The following TJP2 variants were observed in gnomAD, a reference collection of about 807,000 sequenced individuals.
TJP2 encodes tight junction protein 2.
Under a neutral mutation model 133.1 loss-of-function variants are expected in TJP2, and 91 were observed. That is an observed-to-expected ratio of 0.68 (90% CI 0.58 to 0.81). TJP2 has a LOEUF of 0.81. Among genes scored for constraint, TJP2 ranks in the 40% least tolerant of loss-of-function variants. TJP2 has a pLI of 0.00. For missense variants in TJP2, 1,541 were observed against 1,565.6 expected, an observed-to-expected ratio of 0.98 and a Z score of 0.26; for synonymous variants, 592 against 583.4, an observed-to-expected ratio of 1.01 and a Z score of -0.21.
rs746386691 is a variant in TJP2 at position 69,196,946 on chromosome 9, TACACAC to T, written c.61-15576_61-15571del. On this transcript the variant is annotated intron_variant, in intron 1 of 22. Coordinates refer to ENST00000377245, the MANE Select transcript of TJP2 (RefSeq NM_004817.4). ...ATATATATGTGTGTGTGTGTGTGTGTACACACACACACACACACACACACACACACA... is the reference window on the plus strand; with the variant it reads ...ATATATATGTGTGTGTGTGTGTGTGTACACACACACACACACACACACACA... Among the ~76,000 whole-genome samples the T allele has an allele frequency of 1.4e-3, 194 of 134,218 alleles. 1 individual carries two copies. Among genetic ancestry groups the T allele is most frequent in the African/African-American group, 4.6e-3 (170 of 36,702 alleles). The allele number at this position is 134,218 out of a possible 152,430, so 88.1% of individuals were successfully genotyped here.
intron 1 of TJP2, among the ~76,000 whole-genome samples, chr9:69,122,662 T>C (rs1822198308): frequency 6.6e-6 from 1 of 152,158 alleles, no homozygotes; most frequent in African/African-American, 2.4e-5. Flanking sequence ...TTCTTCGAGC[T>C]TGAGAAGGGC....
intron 2 of TJP2, among the ~76,000 whole-genome samples, chr9:69,152,781 G>GTGGGTTT (rs1186366536): frequency 7.3e-6 from 1 of 136,242 alleles, no homozygotes; most frequent in East Asian, 2.3e-4. Context: ...AGGGCTGGAT[G>GTGGGTTT]TGGGTTTTGT....
rs79283711 is a variant in TJP2 at position 69,247,210 on chromosome 9, A to C, written c.2667+420A>C. Among the ~76,000 whole-genome samples the C allele has an allele frequency of 3.2e-3, 489 of 152,324 alleles. 2 individuals are homozygous for C. The highest frequency in any genetic ancestry group is 0.011 in the African/African-American group (458 of 41,558). ...ATGGAGTTAGAATTACTTAGAAAAT[A>C]AGGTTGGTTGAGAATGTGCCATCGT... On this transcript the variant is annotated intron_variant, in intron 18 of 22. Transcript: ENST00000377245.
At chr9:69,229,097 AT>A (rs1268097555) in intron 9 of TJP2, 86 bp from the exon 10 acceptor site, 4 of 1,291,766 alleles carry the variant, frequency 3.1e-6, no homozygotes, top group Non-Finnish European at 4.5e-6. Context: ...ATAGACTTAC[AT>A]TTTTTGTGGA....
At chr9:69,128,653 G>C (rs2133224422) in intron 1 of TJP2, among the ~76,000 whole-genome samples, 1 of 151,908 alleles carries the variant, frequency 6.6e-6, no homozygotes, top group Admixed American at 6.6e-5. Flanking sequence ...CTCCCGAGTA[G>C]CTGGGACTAC....
rs370858382 is a variant in TJP2, at chr9:69,227,876, A to G, written c.1319+3A>G. The stretch of plus-strand genomic sequence containing the variant: ...GAGAAGCTGAAGGAAAGGCCAAGGT[A>G]AGATGACATGAATATTCTCTTGTAC... On this transcript the variant is annotated splice_donor_region_variant and intron_variant, in intron 8 of 22. Coordinates refer to ENST00000377245, the MANE Select transcript of TJP2 (RefSeq NM_004817.4). 154 of 1,613,126 alleles carry G rather than the reference A, an allele frequency of 9.5e-5. No individual in the cohort carries two copies. The highest frequency in any genetic ancestry group is 1.3e-4 in the Non-Finnish European group (150 of 1,179,152).
intron 2 of TJP2, among the ~76,000 whole-genome samples, chr9:69,213,740 T>C (rs1439958533): frequency 6.6e-6 from 1 of 152,218 alleles, no homozygotes; most frequent in Non-Finnish European, 1.5e-5. Flanking sequence ...TCCTCTGCCC[T>C]TTCCCTGAGC....
chr9:69,136,306 A>C (rs992830537), intron 1 of TJP2, among the ~76,000 whole-genome samples: 1 of 152,174 alleles, frequency 6.6e-6, no homozygotes, highest in Non-Finnish European at 1.5e-5. Flanking sequence ...ATCACTTGAG[A>C]CCAGAAGTTT....
chr9:69,182,985 C>G lies in TJP2; in HGVS notation c.60+8553C>G, dbSNP rs538441233. ...GTATTTTTTTTTTTTTTAGTAGAGA[C>G]AAGGTTTCTTCATGTTGGTCAGGCT... On this transcript the variant is annotated intron_variant, in intron 1 of 22. Transcript: ENST00000377245. Among the ~76,000 whole-genome samples, 231 of 150,250 alleles carry G rather than the reference C, an allele frequency of 1.5e-3. 3 individuals carry two copies. The highest frequency in any genetic ancestry group is 5.3e-3 in the African/African-American group (217 of 40,846).
At chr9:69,156,418 A>T (rs1044025826) in intron 2 of TJP2, among the ~76,000 whole-genome samples, 48 of 152,288 alleles carry the variant, frequency 3.2e-4, no homozygotes, top group African/African-American at 1.1e-3. Context: ...ACATGCCCAT[A>T]ACACAGGCTC....
At chr9:69,249,794 A>G in intron 20 of TJP2, 2 of 973,786 alleles carry the variant, frequency 2.1e-6, no homozygotes, top group Non-Finnish European at 2.4e-6. Context: ...CTGTATACCC[A>G]GAATCACCAA....
At chr9:69,176,971 G>A (rs958560304) in intron 1 of TJP2, among the ~76,000 whole-genome samples, 2 of 152,194 alleles carry the variant, frequency 1.3e-5, no homozygotes, top group Non-Finnish European at 2.9e-5. Context: ...TGGGTGTGGT[G>A]GGGGCGGGGT....
At chr9:69,234,407 T>TTTTTA in intron 11 of TJP2, 32 bp from the exon 12 acceptor site, 10 of 1,385,274 alleles carry the variant, frequency 7.2e-6, no homozygotes, top group Non-Finnish European at 1.0e-5. Context: ...TCTTTTTTTT[T>TTTTTA]TTTTTCTTTT....
At chr9:69,151,655 C>T (rs1224274868) in exon 2 of TJP2, 8 of 1,231,898 alleles carry the variant, frequency 6.5e-6, no homozygotes, top group East Asian at 3.2e-5. Context: ...TTCCAGGGTG[C>T]GAAGTACCAC....
intron 1 of TJP2, among the ~76,000 whole-genome samples, chr9:69,141,116 G>C (rs991153813): frequency 1.3e-5 from 2 of 152,220 alleles, no homozygotes; most frequent in Non-Finnish European, 1.5e-5. Context: ...CTCCCAAAGT[G>C]CTGGGATTAC....
chr9:69,134,728 C>T (rs1033742159), intron 1 of TJP2, among the ~76,000 whole-genome samples: 5 of 152,148 alleles, frequency 3.3e-5, no homozygotes, highest in African/African-American at 1.2e-4. Context: ...TTAGTCAGCT[C>T]GGGCTGCTAT....
At chr9:69,159,818 G>A (rs1197770566) in intron 2 of TJP2, among the ~76,000 whole-genome samples, 2 of 150,648 alleles carry the variant, frequency 1.3e-5, no homozygotes, top group Non-Finnish European at 3.0e-5. Context: ...AGAGGTTGCA[G>A]TGAGCCACTG....
intron 2 of TJP2, among the ~76,000 whole-genome samples, chr9:69,162,703 TC>T (rs1824145462): frequency 6.6e-6 from 1 of 152,220 alleles, no homozygotes; most frequent in Non-Finnish European, 1.5e-5. Flanking sequence ...ATTTGGTGTA[TC>T]CCAAGTGTAT....
chr9:69,139,578 C>T (rs1299960943), intron 1 of TJP2, among the ~76,000 whole-genome samples: 2 of 152,126 alleles, frequency 1.3e-5, no homozygotes, highest in African/African-American at 2.4e-5. Flanking sequence ...GTCTTGGACT[C>T]GCAGGCATGA....
Sources: allele counts gnomAD v4.1 joint callset (sites outside exome capture counted in the v4.1 genomes callset), GRCh38; gene constraint gnomAD v4.1.1; transcripts MANE v1.5; gene names NCBI Gene and HGNC (gene_info 2026-07-23, HGNC 2026-07-21).